RYR2: variants seen among roughly 807,000 people sequenced by gnomAD.
RYR2 encodes the protein cardiac muscle ryanodine receptor-calcium release channel.
Under a neutral mutation model 601.1 loss-of-function variants are expected in RYR2, and 227 were observed. That is an observed-to-expected ratio of 0.38 (90% CI 0.34 to 0.42). The LOEUF (loss-of-function observed/expected upper bound fraction) is 0.42. Among genes scored for constraint, RYR2 ranks in the 10% least tolerant of loss-of-function variants. The pLI is 1.00. For missense variants in RYR2, 4,646 were observed against 6,156.5 expected (o/e 0.75, Z 8.21); for synonymous variants, 2,223 against 2,175.1 (o/e 1.02, Z -0.61).
chr1:237,177,002 G>T (rs1219217899), intron 1 of RYR2, among the ~76,000 whole-genome samples: 8 of 152,168 alleles, frequency 5.3e-5, no homozygotes, highest in Admixed American at 5.2e-4. Context: ...CAGTGCTTTT[G>T]CAAATAGAAT....
At chr1:237,148,551 T>TATATATATATAC (rs1558320209) in intron 1 of RYR2, among the ~76,000 whole-genome samples, 2 of 126,464 alleles carry the variant, frequency 1.6e-5, no homozygotes, top group African/African-American at 6.9e-5. Context: ...TATATATATA[T>TATATATATATAC]ATACACACAC....
intron 3 of RYR2, among the ~76,000 whole-genome samples, chr1:237,353,491 A>G (rs1373135390): frequency 6.7e-6 from 1 of 149,010 alleles, no homozygotes; most frequent in East Asian, 2.0e-4. Context: ...CCTGGGTGAC[A>G]GAGTGAGACT....
intron 36 of RYR2, among the ~76,000 whole-genome samples, chr1:237,612,863 G>A (rs1309150879): frequency 3.3e-5 from 5 of 152,152 alleles, no homozygotes; most frequent in African/African-American, 1.2e-4. Flanking sequence ...AATGGATAAT[G>A]TAAACTCTCA....
chr1:237,136,271 C>T (rs1197927515), intron 1 of RYR2, among the ~76,000 whole-genome samples: 1 of 152,318 alleles, frequency 6.6e-6, no homozygotes, highest in South Asian at 2.1e-4. Context: ...CACCATAATG[C>T]AGGTCTTCTT....
chr1:237,208,377 G>C (rs143770938), intron 1 of RYR2, among the ~76,000 whole-genome samples: 1 of 152,148 alleles, frequency 6.6e-6, no homozygotes, highest in Non-Finnish European at 1.5e-5. Context: ...TTCCTCTGCT[G>C]AAGCATTCTA....
chr1:237,448,249 C>G (rs570188390), intron 14 of RYR2, among the ~76,000 whole-genome samples: 6 of 152,048 alleles, frequency 3.9e-5, no homozygotes, highest in Non-Finnish European at 7.4e-5. Flanking sequence ...CTTTCAGTTT[C>G]CCCTTTGATG....
chr1:237,179,412 C>T (rs12746235), intron 1 of RYR2, among the ~76,000 whole-genome samples: 35,306 of 151,710 alleles, frequency 0.23, 4,918 homozygotes, highest in East Asian at 0.46. Context: ...GGGATCACCC[C>T]AGGAAATGCT....
chr1:237,610,664 C>A lies in RYR2; in HGVS notation c.4684-98C>A. ...TTGCTTGACTCATAGGGTTATCTTA[C>A]TTTCCCTGTCTCTGTCCTGTGCAGA... On this transcript the variant is annotated intron_variant, in intron 35 of 104. Coordinates refer to ENST00000366574, the MANE Select transcript of RYR2 (RefSeq NM_001035.3). The surrounding 1 kb of genome is among the most constrained non-coding windows in gnomAD (Gnocchi z 4.9). 6 of 985,066 alleles carry A rather than the reference C, an allele frequency of 6.1e-6. No individual in the cohort carries two copies. The highest frequency in any genetic ancestry group is 7.5e-6 in the Non-Finnish European group (5 of 668,460). 61.0% of individuals were successfully genotyped at this position (985,066 alleles called of 1,614,324 possible). A position where few individuals can be genotyped will look rare whatever the true frequency, so the allele number is the denominator to read the frequency against.
intron 1 of RYR2, among the ~76,000 whole-genome samples, chr1:237,061,669 A>G (rs1662906700): frequency 6.6e-6 from 1 of 152,134 alleles, no homozygotes; most frequent in Non-Finnish European, 1.5e-5. Context: ...CTTTTGTTAG[A>G]TACGTCTATT....
At chr1:237,703,448 C>G (rs1453791635) in intron 66 of RYR2, among the ~76,000 whole-genome samples, 1 of 151,148 alleles carries the variant, frequency 6.6e-6, no homozygotes, top group Non-Finnish European at 1.5e-5. Flanking sequence ...CATCTTGCAT[C>G]TATTTTTCTA....
intron 19 of RYR2, 86 bp downstream of exon 19, chr1:237,493,173 G>GT (rs1663605634): frequency 9.6e-6 from 14 of 1,456,824 alleles, no homozygotes; most frequent in South Asian, 7.2e-5. Flanking sequence ...TATATGGTCT[G>GT]TTTTTTAAAT....
intron 1 of RYR2, among the ~76,000 whole-genome samples, chr1:237,196,088 T>G (rs1017435804): frequency 6.6e-6 from 1 of 152,196 alleles, no homozygotes; most frequent in Non-Finnish European, 1.5e-5. Context: ...TAAGAAATCA[T>G]TAATTACAAA....
intron 1 of RYR2, among the ~76,000 whole-genome samples, chr1:237,200,921 A>G (rs752566183): frequency 6.6e-6 from 1 of 152,232 alleles, no homozygotes; most frequent in Non-Finnish European, 1.5e-5. Context: ...CTCATCCAGT[A>G]TAGTGATGGA....
chr1:237,327,151 A>G (rs1354576048), intron 2 of RYR2, among the ~76,000 whole-genome samples: 1 of 152,136 alleles, frequency 6.6e-6, no homozygotes, highest in Non-Finnish European at 1.5e-5. Flanking sequence ...AAAGGTAAAC[A>G]CTATTTTTTT....
At chr1:237,215,126 A>C (rs979079837) in intron 1 of RYR2, among the ~76,000 whole-genome samples, 13 of 152,232 alleles carry the variant, frequency 8.5e-5, no homozygotes, top group Admixed American at 3.9e-4. Flanking sequence ...TGGCCTAAGA[A>C]TTGAGCCAGG....
At chr1:237,619,966 T>C (rs984189527) in intron 38 of RYR2, among the ~76,000 whole-genome samples, 1 of 152,100 alleles carries the variant, frequency 6.6e-6, no homozygotes, top group Non-Finnish European at 1.5e-5. Flanking sequence ...GGAAGTTCTT[T>C]AAATATAAGG....
At chr1:237,701,844 A>T in intron 65 of RYR2, 134 bp from the exon 66 acceptor site, 1 of 558,998 alleles carries the variant, frequency 1.8e-6, no homozygotes. Context: ...ATGTTGCTGC[A>T]AAAGACATGA....
In RYR2 at chr1:237,751,929, A is replaced by G. The variant is rs375039588; in HGVS notation, c.11146-4359A>G. ...TATGTATAATTCTGAAGACCTCTTT[A>G]AACATGAACTGAAAGACAAACTTTT... is the stretch of plus-strand genomic sequence containing the variant. On this transcript the variant is annotated intron_variant, in intron 80 of 104. Transcript: ENST00000366574. Among the ~76,000 whole-genome samples the G allele has an allele frequency of 5.9e-5, 9 of 152,376 alleles. No homozygotes were observed. In the East Asian group the frequency reaches 1.5e-3, roughly 26 times the overall value.
At chr1:237,624,987 G>GTA (rs775578380) in intron 39 of RYR2, among the ~76,000 whole-genome samples, 33 of 150,790 alleles carry the variant, frequency 2.2e-4, no homozygotes, top group Admixed American at 9.9e-4. Flanking sequence ...GTATGTGTGT[G>GTA]TATATATATA....
Sources: gnomAD v4.1 joint callset for allele counts (sites outside exome capture counted in the v4.1 genomes callset) on GRCh38, gnomAD v4.1.1 for gene constraint, Gnocchi (gnomAD v3.1) non-coding constraint, MANE v1.5 for transcripts, NCBI Gene and HGNC (gene_info 2026-07-23, HGNC 2026-07-21) for gene names.